The following CCDC144A variants were observed in gnomAD, a reference collection of about 807,000 sequenced individuals.
CCDC144A encodes the protein coiled-coil domain-containing protein 144A.
A neutral mutation model predicts 143.8 loss-of-function variants in CCDC144A; 41 were observed. The ratio of observed to expected loss-of-function variants is 0.29; its 90% CI spans 0.22 to 0.37. The LOEUF (loss-of-function observed/expected upper bound fraction) is 0.37, where lower values mean the gene tolerates loss of function less well. CCDC144A is among the 10% of genes least tolerant of loss of function. CCDC144A has a pLI of 1.00. For missense variants in CCDC144A, 637 were observed against 1,488.8 expected, an observed-to-expected ratio of 0.43 and a Z score of 9.41; for synonymous variants, 242 against 517.9, an observed-to-expected ratio of 0.47 and a Z score of 7.23.
chr17:16,692,677 G>T (rs1911157968), intron 1 of CCDC144A, among the ~76,000 whole-genome samples: 1 of 151,802 alleles, frequency 6.6e-6, no homozygotes, highest in Admixed American at 6.6e-5. Context: ...GAGCCTAAGA[G>T]AAGCAACTTG....
In CCDC144A at chr17:16,777,502, T is replaced by C. The variant is rs1916041536; in HGVS notation, c.*3869T>C. 1 of 135,268 alleles carries C rather than the reference T, an allele frequency of 7.4e-6. No individual in the cohort carries two copies. The highest frequency in any genetic ancestry group is 1.5e-5 in the Non-Finnish European group (1 of 64,924). 8.4% of individuals were successfully genotyped at this position (135,268 alleles called of 1,614,324 possible). ...AGTAAATTTAAGAAAATCAGAATTA[T>C]ATCAAGTACTCTCTCAGACCACAGT... On this transcript the variant is annotated 3_prime_UTR_variant, in exon 17 of 17. Transcript: ENST00000399273.
chr17:16,715,607 AAATTGTTTCC>A lies in CCDC144A; in HGVS notation c.1715+3798_1715+3807del, dbSNP rs375531434. Among the ~76,000 whole-genome samples, 547 of 152,234 alleles carry A rather than the reference AAATTGTTTCC, an allele frequency of 3.6e-3. 1 individual carries two copies. Among genetic ancestry groups the A allele is most frequent in the African/African-American group, 0.012 (497 of 41,536 alleles). ...AAGGGTGGTAAATTTAATGGACTTA[AAATTGTTTCC>A]AATTGATTATGAACCTTCAGTATTT... On this transcript the variant is annotated intron_variant, in intron 6 of 16. Transcript: ENST00000399273.
intron 6 of CCDC144A, among the ~76,000 whole-genome samples, chr17:16,719,288 A>C (rs572260402): frequency 5.9e-5 from 9 of 152,286 alleles, no homozygotes; most frequent in Admixed American, 5.9e-4. Flanking sequence ...GAATGGGTGA[A>C]TACATGAATG....
In CCDC144A at chr17:16,776,498, G is replaced by T. The variant is rs1305384115; in HGVS notation, c.*2865G>T. The T allele has an allele frequency of 1.3e-5, 2 of 152,166 alleles. No homozygotes were observed. Among genetic ancestry groups the T allele is most frequent in the African/African-American group, 4.8e-5 (2 of 41,416 alleles). 9.4% of individuals were successfully genotyped at this position (152,166 alleles called of 1,614,324 possible). Reference sequence around the variant, plus strand: ...GGAGTTAATTCATGAGTTTTCTCTCGGCTTGCCTGTTGTTGGTGTATAGGA... The same window carrying T: ...GGAGTTAATTCATGAGTTTTCTCTCTGCTTGCCTGTTGTTGGTGTATAGGA... On this transcript the variant is annotated 3_prime_UTR_variant, in exon 17 of 17. Transcript: ENST00000399273.
chr17:16,667,269 C>CGGCTGAGG, the CCDC144A span, among the ~76,000 whole-genome samples: 14 of 130,440 alleles, frequency 1.1e-4, no homozygotes, highest in African/African-American at 2.9e-4. Context: ...GCGGCTGAGG[C>CGGCTGAGG]GGCTGAGGGG....
intron 6 of CCDC144A, among the ~76,000 whole-genome samples, chr17:16,716,213 A>G (rs1247454636): frequency 6.6e-6 from 1 of 152,230 alleles, no homozygotes; most frequent in Non-Finnish European, 1.5e-5. Context: ...AATTCGCTAC[A>G]TAGTTAAAAA....
Position 16,737,393 on chromosome 17 carries a change from C to T in CCDC144A, c.3372+1750C>T, listed in dbSNP as rs1914069571. 5.3e-5 allele frequency: 44 copies of T among 832,742 alleles called. No homozygotes were observed. The South Asian group carries it at 8.7e-4, about 17-fold the overall frequency. 51.6% of individuals were successfully genotyped at this position (832,742 alleles called of 1,614,324 possible). ...GTTTTAGCCGGGATGGTCTCGATCT[C>T]CTGACCTCGTGATCCGCCCGCCTCG... On this transcript the variant is annotated intron_variant, in intron 12 of 16. Transcript: ENST00000399273.
intron 9 of CCDC144A, chr17:16,731,108 C>T (rs1913721893): frequency 6.6e-6 from 1 of 152,068 alleles, no homozygotes; most frequent in South Asian, 2.1e-4. Context: ...TGTTGAAACA[C>T]ATATTATCCT....
chr17:16,686,751 C>CAA (rs1382374140), upstream of CCDC144A, among the ~76,000 whole-genome samples: 2 of 82,830 alleles, frequency 2.4e-5, no homozygotes, highest in South Asian at 1.1e-3. Flanking sequence ...CACACAAACA[C>CAA]ACACACACAC....
the CCDC144A span, among the ~76,000 whole-genome samples, chr17:16,675,586 A>G: frequency 6.6e-6 from 1 of 152,018 alleles, no homozygotes; most frequent in Non-Finnish European, 1.5e-5. Context: ...CTTGATTTTT[A>G]AAAGTCTAAA....
the CCDC144A span, among the ~76,000 whole-genome samples, chr17:16,673,600 G>A: frequency 2.0e-5 from 3 of 151,462 alleles, no homozygotes; most frequent in African/African-American, 7.3e-5. Flanking sequence ...TGGTCAGGCT[G>A]GTCTCGAACT....
upstream of CCDC144A, among the ~76,000 whole-genome samples, chr17:16,688,484 G>GTTTTTTTTTTTTTTTCTTTTTTTT (rs1910865252): frequency 1.4e-5 from 1 of 71,622 alleles, no homozygotes; most frequent in African/African-American, 5.3e-5. Flanking sequence ...TTCTTTTTCT[G>GTTTTTTTTTTTTTTTCTTTTTTTT]TTTTTTTTTT....
intron 12 of CCDC144A, among the ~76,000 whole-genome samples, chr17:16,736,991 A>G (rs1914038688): frequency 6.6e-6 from 1 of 151,796 alleles, no homozygotes; most frequent in Non-Finnish European, 1.5e-5. Context: ...AAGAGTGAGT[A>G]GTGGGCTGAA....
chr17:16,718,832 G>GTTTTTTTTTTTTTTTTTTTT (rs71355519), intron 6 of CCDC144A, among the ~76,000 whole-genome samples: 1 of 105,784 alleles, frequency 9.5e-6, no homozygotes, highest in Non-Finnish European at 1.9e-5. Flanking sequence ...ATTATAAAGT[G>GTTTTTTTTTTTTTTTTTTTT]TTTTTTTTTT....
At chr17:16,715,832 AGGCTGCTGTGGGTTGGTTAACAC>A (rs1249637524) in intron 6 of CCDC144A, among the ~76,000 whole-genome samples, 1 of 152,210 alleles carries the variant, frequency 6.6e-6, no homozygotes, top group Non-Finnish European at 1.5e-5. Context: ...TATCTGAGTG[AGGCTGCTGTGGGTTGGTTAACAC>A]TCCCAGGCTT....
chr17:16,760,860 C>CT, intron 12 of CCDC144A, among the ~76,000 whole-genome samples: 1 of 147,842 alleles, frequency 6.8e-6, no homozygotes. Context: ...AAACAGAAGT[C>CT]TAAGATCAAG....
At chr17:16,772,380 C>T (rs1298677513) in intron 16 of CCDC144A, among the ~76,000 whole-genome samples, 1 of 151,910 alleles carries the variant, frequency 6.6e-6, no homozygotes, top group Non-Finnish European at 1.5e-5. Context: ...ATCCCAGTCT[C>T]ATCTAGTAAC....
chr17:16,668,474 T>G, the CCDC144A span, among the ~76,000 whole-genome samples: 1 of 152,228 alleles, frequency 6.6e-6, no homozygotes, highest in Non-Finnish European at 1.5e-5. Context: ...TTATGAAGAT[T>G]CAATGATATA....
chr17:16,668,630 G>A, the CCDC144A span, among the ~76,000 whole-genome samples: 1 of 151,954 alleles, frequency 6.6e-6, no homozygotes, highest in East Asian at 1.9e-4. Flanking sequence ...GGATATAATG[G>A]TCCCAGATTC....
Sources: allele counts gnomAD v4.1 joint callset (sites outside exome capture counted in the v4.1 genomes callset), GRCh38; gene constraint gnomAD v4.1.1; transcripts MANE v1.5; gene names NCBI Gene and HGNC (gene_info 2026-07-23, HGNC 2026-07-21).